The following ANKRD26 variants were observed in gnomAD, a reference collection of about 807,000 sequenced individuals.
ANKRD26 encodes the protein ankyrin repeat domain 26.
A neutral mutation model predicts 208.7 loss-of-function variants in ANKRD26; 141 were observed. The observed-to-expected ratio is 0.68, with a 90% CI of 0.59 to 0.78. The LOEUF is 0.78. Among genes scored for constraint, ANKRD26 ranks in the 30% least tolerant of loss-of-function variants. ANKRD26 has a pLI of 0.00. For missense variants in ANKRD26, 1,889 were observed against 1,938.7 expected (o/e 0.97, Z 0.48); for synonymous variants, 636 against 660.4 (o/e 0.96, Z 0.57).
At chr10:26,974,030 C>A (rs994445308) in exon 6 of ANKRD26, among the ~76,000 whole-genome samples, 1 of 151,956 alleles carries the variant, frequency 6.6e-6, no homozygotes, top group African/African-American at 2.4e-5. Context: ...TTTCTCAAAC[C>A]ATTTTTATAT....
At chr10:27,038,460 G>A (rs1279992753) in intron 21 of ANKRD26, among the ~76,000 whole-genome samples, 1 of 152,028 alleles carries the variant, frequency 6.6e-6, no homozygotes, top group African/African-American at 2.4e-5. Flanking sequence ...GACCAGCCTG[G>A]CCAACAGGGT....
Position 27,005,713 on chromosome 10 carries a change from T to A in ANKRD26, c.5010A>T (p.Glu1670Asp), listed in dbSNP as rs750850799. The change falls in exon 34 of 34, where the codon GAA becomes GAT. Residue 1670 changes from glutamate (E) to aspartate (D), a missense_variant. By Grantham distance (45) the Glu-to-Asp change is conservative. Around this residue, in one of 3 missense-constraint regions of ANKRD26, gnomAD observed 613 missense variants for 648.2 expected, o/e 0.95. Coordinates refer to ENST00000376087, the MANE Select transcript of ANKRD26 (RefSeq NM_014915.3). ...ITRELKEAAAELESGSIASPL... is the reference protein window; with the variant it reads ...ITRELKEAAADLESGSIASPL... ...GGGAAGCTATTGATCCAGATTCCAATTCAGCAGCAGCTAGAATGAAAAAGA... is the reference window on the plus strand; with the variant it reads ...GGGAAGCTATTGATCCAGATTCCAAATCAGCAGCAGCTAGAATGAAAAAGA... 4 of 1,608,988 alleles carry A rather than the reference T, an allele frequency of 2.5e-6. No individual in the cohort carries two copies. The highest frequency in any genetic ancestry group is 3.4e-6 in the Non-Finnish European group (4 of 1,177,832).
rs1489562937 is a variant in ANKRD26 at position 27,033,356 on chromosome 10, G to A, written c.3676C>T (p.Gln1226Ter). Reference sequence around the variant, plus strand: ...TTTTTTAGGGTATCAGCTAGTTCTTGTTGAAGTTGTCTCACAACAACCTGA... The same window carrying A: ...TTTTTTAGGGTATCAGCTAGTTCTTATTGAAGTTGTCTCACAACAACCTGA... ...EREVVVRQLQQELADTLKKQS... is the reference protein window; with the variant it reads ...EREVVVRQLQ Residue 1226 changes from glutamine (Q) to a stop codon, truncating the protein, a stop_gained, in exon 25 of 34, where the codon CAA becomes TAA. Transcript: ENST00000376087. LOFTEE classifies it high-confidence loss of function. 1.2e-6 allele frequency: 2 copies of A among 1,609,512 alleles called. No individual in the cohort carries two copies. The highest frequency in any genetic ancestry group is 2.7e-5 in the African/African-American group (2 of 74,866).
At chr10:27,079,559 A>T (rs2055827337) in intron 6 of ANKRD26, among the ~76,000 whole-genome samples, 1 of 152,194 alleles carries the variant, frequency 6.6e-6, no homozygotes, top group African/African-American at 2.4e-5. Flanking sequence ...CTGATAATCT[A>T]AAACAAGGTG....
At position 27,005,698 on chromosome 10, in the gene ANKRD26, T is replaced by C. The variant is rs1386886727; in HGVS notation, c.5025A>G (p.Ser1675=). The change falls in exon 34 of 34, where the codon TCA becomes TCG. Residue 1675 remains serine (S), a synonymous_variant. Transcript: ENST00000376087. Reference sequence around the variant, plus strand: ...CAGTAGACCCTAGAGGGGAAGCTATTGATCCAGATTCCAATTCAGCAGCAG... The same window carrying C: ...CAGTAGACCCTAGAGGGGAAGCTATCGATCCAGATTCCAATTCAGCAGCAG... ...KEAAAELESG[S]IASPLGSTDE... 1 of 1,610,744 alleles carries C rather than the reference T, an allele frequency of 6.2e-7. No homozygotes were observed. Among genetic ancestry groups the C allele is most frequent in the African/African-American group, 1.3e-5 (1 of 74,884 alleles).
chr10:27,002,363 C>A (rs1041911822), downstream of ANKRD26, among the ~76,000 whole-genome samples: 2 of 152,184 alleles, frequency 1.3e-5, no homozygotes, highest in Non-Finnish European at 2.9e-5. Context: ...CCAACTGGGG[C>A]CCCATCTGGG....
the ANKRD26 span, among the ~76,000 whole-genome samples, chr10:26,958,073 T>A: frequency 1.4e-5 from 2 of 144,160 alleles, no homozygotes; most frequent in African/African-American, 2.6e-5. Context: ...TCACCCAGTT[T>A]TATATATATA....
At chr10:27,041,757 T>C (rs554081207) in intron 20 of ANKRD26, among the ~76,000 whole-genome samples, 73 of 151,774 alleles carry the variant, frequency 4.8e-4, no homozygotes, top group Non-Finnish European at 5.2e-4. Flanking sequence ...GCAGCTAATA[T>C]ATAAGCCCCC....
intron 17 of ANKRD26, among the ~76,000 whole-genome samples, chr10:27,047,098 C>A (rs1165224317): frequency 6.6e-6 from 1 of 152,112 alleles, no homozygotes; most frequent in Non-Finnish European, 1.5e-5. Flanking sequence ...ATGGAAGTAG[C>A]AATTAGATTT....
At chr10:26,987,145 C>G (rs1308634865), downstream of ANKRD26, among the ~76,000 whole-genome samples, 1 of 152,072 alleles carries the variant, frequency 6.6e-6, no homozygotes, top group African/African-American at 2.4e-5. Context: ...ATGGATGAAG[C>G]TGGAAACCAT....
intron 4 of ANKRD26, among the ~76,000 whole-genome samples, chr10:27,087,777 G>A (rs992390180): frequency 2.0e-5 from 3 of 152,078 alleles, no homozygotes; most frequent in Admixed American, 2.0e-4. Context: ...AACTGACGTG[G>A]AAAACAAAAC....
chr10:27,035,834 G>T, intron 23 of ANKRD26, 82 bp from the exon 24 acceptor site: 1 of 1,037,682 alleles, frequency 9.6e-7, no homozygotes, highest in African/African-American at 1.6e-5. Context: ...AGAATAAACT[G>T]TACATTTTAC....
chr10:27,059,767 G>A (rs1009965306), intron 15 of ANKRD26, among the ~76,000 whole-genome samples: 1 of 150,664 alleles, frequency 6.6e-6, no homozygotes, highest in African/African-American at 2.4e-5. Flanking sequence ...AAAATTAGCC[G>A]GGCATGGTGG....
intron 9 of ANKRD26, among the ~76,000 whole-genome samples, chr10:27,069,210 AAAAAAAAAAAAAG>A (rs1253192877): frequency 6.6e-6 from 1 of 151,308 alleles, no homozygotes; most frequent in East Asian, 1.9e-4. Flanking sequence ...AAAAAAAAAA[AAAAAAAAAAAAAG>A]GATATGAGAA....
At chr10:27,012,712 C>T (rs568576373) in intron 32 of ANKRD26, among the ~76,000 whole-genome samples, 170 bp downstream of exon 32, 3 of 152,236 alleles carry the variant, frequency 2.0e-5, no homozygotes, top group East Asian at 1.9e-4. Flanking sequence ...ATCTGAGAGG[C>T]TAAGACACAA....
At chr10:27,085,416 T>C (rs1291540250) in intron 5 of ANKRD26, among the ~76,000 whole-genome samples, 1 of 152,122 alleles carries the variant, frequency 6.6e-6, no homozygotes, top group Non-Finnish European at 1.5e-5. Flanking sequence ...CACATCTTGT[T>C]CTAACGAAGT....
At chr10:27,038,873 T>C (rs2054132471) in intron 21 of ANKRD26, among the ~76,000 whole-genome samples, 2 of 152,202 alleles carry the variant, frequency 1.3e-5, no homozygotes, top group African/African-American at 4.8e-5. Flanking sequence ...AATAGCATAA[T>C]TAAAGATTAG....
At chr10:27,082,074 AGGGAGAG>A (rs1564424195) in intron 6 of ANKRD26, among the ~76,000 whole-genome samples, 1 of 38,714 alleles carries the variant, frequency 2.6e-5, no homozygotes. Context: ...AAAAAAAAAA[AGGGAGAG>A]AGAGAAACAA....
intron 33 of ANKRD26, among the ~76,000 whole-genome samples, chr10:27,006,017 C>T (rs2052863880): frequency 6.6e-6 from 1 of 152,106 alleles, no homozygotes; most frequent in Non-Finnish European, 1.5e-5. Flanking sequence ...ATATGATCCA[C>T]CTCTAACAAA....
Sources: allele counts gnomAD v4.1 joint callset (sites outside exome capture counted in the v4.1 genomes callset), GRCh38; gene constraint gnomAD v4.1.1; regional missense constraint gnomAD v4.1.1; transcripts MANE v1.5; gene names NCBI Gene and HGNC (gene_info 2026-07-23, HGNC 2026-07-21).